Variants in VAT1L observed in about 807,000 individuals in gnomAD.
VAT1L encodes the protein vesicle amine transport 1 like.
VAT1L carries 34 observed loss-of-function variants against 44.1 expected under a neutral mutation model. The observed-to-expected ratio is 0.77, with a 90% CI of 0.59 to 1.03. VAT1L has a LOEUF of 1.03. Ranked by LOEUF, VAT1L falls within the 50% of genes least tolerant of loss-of-function variation. The probability of loss-of-function intolerance (pLI) is 0.00; values close to 1 mark genes in which losing one functional copy is unlikely to be tolerated. For missense variants in VAT1L, 615 were observed against 538.8 expected (o/e 1.14, Z -1.40); for synonymous variants, 253 against 202.2 (o/e 1.25, Z -2.13).
chr16:77,909,150 C>T (rs183263778), intron 7 of VAT1L, among the ~76,000 whole-genome samples: 15 of 152,106 alleles, frequency 9.9e-5, no homozygotes, highest in Admixed American at 7.9e-4. Context: ...ATTATTTATC[C>T]CTATGGATTA....
chr16:77,856,541 G>A (rs1275959207), intron 3 of VAT1L, among the ~76,000 whole-genome samples: 3 of 152,136 alleles, frequency 2.0e-5, no homozygotes, highest in Non-Finnish European at 4.4e-5. Context: ...CTAATCATTC[G>A]TTTACATGCT....
At chr16:77,809,071 C>A (rs950517952) in intron 1 of VAT1L, among the ~76,000 whole-genome samples, 2 of 152,192 alleles carry the variant, frequency 1.3e-5, no homozygotes, top group Non-Finnish European at 1.5e-5. Flanking sequence ...TCTAGGAGAG[C>A]AAAGTACATT....
At chr16:77,820,936 A>G (rs1291623198) in intron 2 of VAT1L, among the ~76,000 whole-genome samples, 1 of 152,234 alleles carries the variant, frequency 6.6e-6, no homozygotes, top group Non-Finnish European at 1.5e-5. Context: ...CTGCCCTAGC[A>G]GTGCATTCTA....
At position 77,977,739 on chromosome 16, in the gene VAT1L, G is replaced by C; in HGVS notation, c.*44G>C. Reference sequence around the variant, plus strand: ...GAATGTGAAGGATGGTTTGGAAGATGAGGACCCGGCTGAGAAAACTCTTCT... The same window carrying C: ...GAATGTGAAGGATGGTTTGGAAGATCAGGACCCGGCTGAGAAAACTCTTCT... On this transcript the variant is annotated 3_prime_UTR_variant, in exon 9 of 9. Coordinates refer to ENST00000302536, the MANE Select transcript of VAT1L (RefSeq NM_020927.3). The C allele has an allele frequency of 6.3e-7, 1 of 1,583,868 alleles. No individual in the cohort carries two copies. The highest frequency in any genetic ancestry group is 8.6e-7 in the Non-Finnish European group (1 of 1,159,064).
At position 77,953,756 on chromosome 16, in the gene VAT1L, A is replaced by G. The variant is rs2018071554; in HGVS notation, c.1078-18094A>G. ...AGCAATCCTCCCACCTCGACCTCCC[A>G]AAGTGTTGAGATTATGGGCATGAGC... On this transcript the variant is annotated intron_variant, in intron 7 of 8. Coordinates refer to ENST00000302536, the MANE Select transcript of VAT1L (RefSeq NM_020927.3). Among the ~76,000 whole-genome samples the G allele has an allele frequency of 2.0e-5, 3 of 152,156 alleles. No individual in the cohort carries two copies. In the South Asian group the frequency reaches 6.2e-4, roughly 32 times the overall value.
In VAT1L at chr16:77,788,864, A is replaced by G. The variant is rs764203751; in HGVS notation, c.182A>G (p.Lys61Arg). 40 of 1,572,748 alleles carry G rather than the reference A, an allele frequency of 2.5e-5. No individual in the cohort carries two copies. Among genetic ancestry groups the G allele is most frequent in the Non-Finnish European group, 3.4e-5 (39 of 1,160,734 alleles). The change falls in exon 1 of 9, where the codon AAG becomes AGG. Residue 61 changes from lysine (K) to arginine (R), a missense_variant. Lys to Arg is a conservative substitution (Grantham distance 26, BLOSUM62 2). Transcript: ENST00000302536. ...GGLNKLRLFR[K>R]AMPEPQDGEL... The stretch of plus-strand genomic sequence containing the variant: ...CTCAACAAGCTGCGGCTCTTCAGGA[A>G]GGCCATGCCCGAGCCTCAGGACGGC...
chr16:77,838,856 C>G (rs2016669740), intron 3 of VAT1L, among the ~76,000 whole-genome samples: 1 of 151,486 alleles, frequency 6.6e-6, no homozygotes, highest in Non-Finnish European at 1.5e-5. Context: ...TCCTCCTTCT[C>G]TTTCTCCCCT....
chr16:77,935,226 T>C (rs1050630525), intron 7 of VAT1L, among the ~76,000 whole-genome samples: 1 of 152,228 alleles, frequency 6.6e-6, no homozygotes, highest in Non-Finnish European at 1.5e-5. Flanking sequence ...TTGTAGGAGA[T>C]GTCTCTTCAC....
rs2017189886 is a variant in VAT1L, at chr16:77,884,616, G to A, written c.891G>A (p.Gln297=). The change falls in exon 7 of 9, where the codon CAG becomes CAA. Residue 297 remains glutamine, a synonymous_variant. Transcript: ENST00000302536. This position sits in a 1 kb window ranked among gnomAD's most constrained non-coding sequence, Gnocchi z 4.5. ...ACCACCTCTCTTTGCAGTGGTGGCA[G>A]GTGGAGAAGGTGAACCCCATCAAGC... ...SFFSFAKSWW[Q]VEKVNPIKLY... The A allele has an allele frequency of 1.9e-6, 3 of 1,612,936 alleles. No individual in the cohort carries two copies. Among genetic ancestry groups the A allele is most frequent in the East Asian group, 2.2e-5 (1 of 44,832 alleles).
intron 7 of VAT1L, among the ~76,000 whole-genome samples, chr16:77,898,203 G>A (rs1254231917): frequency 6.6e-6 from 1 of 152,106 alleles, no homozygotes; most frequent in Non-Finnish European, 1.5e-5. Flanking sequence ...TATTGGATTA[G>A]GGCCCACCCT....
chr16:77,895,801 C>G (rs763757622), intron 7 of VAT1L, among the ~76,000 whole-genome samples: 1 of 152,244 alleles, frequency 6.6e-6, no homozygotes, highest in African/African-American at 2.4e-5. Flanking sequence ...CGCCAAGCAC[C>G]GGGCCAGGCT....
chr16:77,966,873 G>A lies in VAT1L; in HGVS notation c.1078-4977G>A, dbSNP rs369203874. On this transcript the variant is annotated intron_variant, in intron 7 of 8. Coordinates refer to ENST00000302536, the MANE Select transcript of VAT1L (RefSeq NM_020927.3). Reference sequence around the variant, plus strand: ...AGTGGCTATAGGATTAGGCAATGCAGGTCTACTAGACAGTTCTCTTGAATA... The same window carrying A: ...AGTGGCTATAGGATTAGGCAATGCAAGTCTACTAGACAGTTCTCTTGAATA... Among the ~76,000 whole-genome samples, 4 of 148,050 alleles carry A rather than the reference G, an allele frequency of 2.7e-5. No individual in the cohort carries two copies. In the East Asian group the frequency reaches 8.1e-4, roughly 30 times the overall value.
intron 7 of VAT1L, among the ~76,000 whole-genome samples, chr16:77,932,203 A>G (rs1337532650): frequency 2.0e-5 from 3 of 147,658 alleles, no homozygotes; most frequent in Non-Finnish European, 3.0e-5. Context: ...TCCTGGGTTC[A>G]GGCCATTCTC....
chr16:77,942,553 T>C (rs923931357), intron 7 of VAT1L, among the ~76,000 whole-genome samples: 25 of 152,252 alleles, frequency 1.6e-4, no homozygotes, highest in East Asian at 5.8e-4. Context: ...CTTTGAGAAA[T>C]TGCCACACTG....
intron 5 of VAT1L, among the ~76,000 whole-genome samples, chr16:77,878,602 T>A (rs2017114490): frequency 6.6e-6 from 1 of 152,180 alleles, no homozygotes; most frequent in African/African-American, 2.4e-5. Context: ...CATATGCTTG[T>A]CTCAGACCTC....
intron 1 of VAT1L, among the ~76,000 whole-genome samples, chr16:77,815,396 G>A (rs2145233405): frequency 6.6e-6 from 1 of 152,272 alleles, no homozygotes; most frequent in South Asian, 2.1e-4. Context: ...AGGCACACTG[G>A]AAGCAGAGAA....
intron 1 of VAT1L, among the ~76,000 whole-genome samples, chr16:77,813,310 AAG>A (rs2016296780): frequency 6.6e-6 from 1 of 152,214 alleles, no homozygotes. Flanking sequence ...GAAGAAAAAA[AAG>A]TAGAGTCAAC....
At chr16:77,905,489 C>G (rs773321716) in intron 7 of VAT1L, among the ~76,000 whole-genome samples, 1 of 152,146 alleles carries the variant, frequency 6.6e-6, no homozygotes, top group Non-Finnish European at 1.5e-5. Context: ...GCCACCCCTG[C>G]TGAGATCATT....
At chr16:77,843,870 G>C (rs1329216887) in intron 3 of VAT1L, among the ~76,000 whole-genome samples, 4 of 152,234 alleles carry the variant, frequency 2.6e-5, no homozygotes, top group Admixed American at 1.3e-4. Context: ...GCTTGTGGAG[G>C]AGGACCAGCA....
Sources: allele counts gnomAD v4.1 joint callset (sites outside exome capture counted in the v4.1 genomes callset), GRCh38; gene constraint gnomAD v4.1.1; non-coding constraint Gnocchi (gnomAD v3.1); transcripts MANE v1.5; gene names NCBI Gene and HGNC (gene_info 2026-07-23, HGNC 2026-07-21).